LONP2: variants seen among roughly 807,000 people sequenced by gnomAD.
The protein encoded by LONP2 is lon protease homolog 2, peroxisomal.
In LONP2, 60 loss-of-function variants were observed where a neutral mutation model predicts 85.6. The ratio of observed to expected loss-of-function variants is 0.70; its 90% CI spans 0.57 to 0.87. The LOEUF (loss-of-function observed/expected upper bound fraction) is 0.87, where lower values mean the gene tolerates loss of function less well. Ranked by LOEUF, LONP2 falls within the 40% of genes least tolerant of loss-of-function variation. LONP2 has a pLI of 0.00. For synonymous variants in LONP2, 395 were observed against 389.7 expected, an observed-to-expected ratio of 1.01 and a Z score of -0.16; for missense variants, 860 against 1,063.5, an observed-to-expected ratio of 0.81 and a Z score of 2.66.
intron 12 of LONP2, among the ~76,000 whole-genome samples, chr16:48,338,753 C>G (rs1959728874): frequency 6.6e-6 from 1 of 151,890 alleles, no homozygotes; most frequent in Non-Finnish European, 1.5e-5. Context: ...ACAAAAAATA[C>G]AAAAATTAGC....
intron 11 of LONP2, among the ~76,000 whole-genome samples, chr16:48,306,981 A>T (rs1972924259): frequency 6.6e-6 from 1 of 152,224 alleles, no homozygotes; most frequent in Non-Finnish European, 1.5e-5. Context: ...ACTGCCAGGA[A>T]GAAAAGTAAT....
At chr16:48,253,509 T>C (rs1414814900) in intron 2 of LONP2, among the ~76,000 whole-genome samples, 1 of 151,780 alleles carries the variant, frequency 6.6e-6, no homozygotes, top group Non-Finnish European at 1.5e-5. Context: ...GAATCTGTAA[T>C]TTCTATATGG....
intron 12 of LONP2, among the ~76,000 whole-genome samples, chr16:48,341,305 T>C (rs141063412): frequency 0.013 from 1,985 of 147,168 alleles, 45 homozygotes; most frequent in African/African-American, 0.05. Context: ...ATCTCAAAAA[T>C]AAATAAATAA....
intron 1 of LONP2, among the ~76,000 whole-genome samples, chr16:48,245,457 C>T (rs1240820056): frequency 6.6e-6 from 1 of 152,094 alleles, no homozygotes; most frequent in African/African-American, 2.4e-5. Flanking sequence ...GTGTATATTC[C>T]ACTTTGCACC....
chr16:48,296,601 C>T (rs1220175386), intron 9 of LONP2, among the ~76,000 whole-genome samples: 1 of 151,964 alleles, frequency 6.6e-6, no homozygotes, highest in Non-Finnish European at 1.5e-5. Flanking sequence ...GTGGCGGGCG[C>T]CTGTAGTCCC....
rs1481029755 is a variant in LONP2, at chr16:48,351,870, A to C, written c.*68A>C. 27 of 1,257,662 alleles carry C rather than the reference A, an allele frequency of 2.1e-5. No individual in the cohort carries two copies. The highest frequency in any genetic ancestry group is 3.0e-5 in the Non-Finnish European group (26 of 870,710). 77.9% of individuals were successfully genotyped at this position (1,257,662 alleles called of 1,614,324 possible). A position where few individuals can be genotyped will look rare whatever the true frequency, so the allele number is the denominator to read the frequency against. Reference sequence around the variant, plus strand: ...CAAAGGTACTGACACAGTTGATTTTATTCACACCATTAGGGGTATGCAAGA... The same window carrying C: ...CAAAGGTACTGACACAGTTGATTTTCTTCACACCATTAGGGGTATGCAAGA... On this transcript the variant is annotated 3_prime_UTR_variant, in exon 15 of 15. Coordinates refer to ENST00000285737, the MANE Select transcript of LONP2 (RefSeq NM_031490.5).
At chr16:48,258,930 G>C (rs943768519) in intron 4 of LONP2, among the ~76,000 whole-genome samples, 190 bp downstream of exon 4, 1 of 151,622 alleles carries the variant, frequency 6.6e-6, no homozygotes, top group Non-Finnish European at 1.5e-5. Flanking sequence ...CTTTGTTTTG[G>C]TTATCATCCA....
At position 48,256,643 on chromosome 16, in the gene LONP2, G is replaced by C; in HGVS notation, c.502G>C (p.Val168Leu). 6.2e-7 allele frequency: 1 copy of C among 1,613,784 alleles called. No individual in the cohort carries two copies. The highest frequency in any genetic ancestry group is 1.3e-5 in the African/African-American group (1 of 75,026). ...VEMLDMSVPA[V>L]AKLRRLLDSL... ...AATGTTGGATATGTCTGTCCCTGCA[G>C]TTGCTAAATTGAGACGTCTTTTAGA... The change falls in exon 3 of 15, where the codon GTT becomes CTT. Residue 168 changes from valine to leucine, a missense_variant. Around this residue, in one of 3 missense-constraint regions of LONP2, gnomAD observed 743 missense variants for 917.3 expected, o/e 0.81. Coordinates refer to ENST00000285737, the MANE Select transcript of LONP2 (RefSeq NM_031490.5).
At chr16:48,269,700 T>A (rs75310592) in intron 6 of LONP2, among the ~76,000 whole-genome samples, 2,701 of 152,154 alleles carry the variant, frequency 0.018, 60 homozygotes, top group African/African-American at 0.057. Flanking sequence ...CCCTTTTTTT[T>A]AAAAAACAAA....
intron 11 of LONP2, among the ~76,000 whole-genome samples, chr16:48,311,172 C>G (rs902410148): frequency 1.3e-5 from 2 of 152,098 alleles, no homozygotes; most frequent in Non-Finnish European, 2.9e-5. Context: ...GTTTGTTGAG[C>G]GTCTTGTATC....
At position 48,355,185 on chromosome 16, in the gene LONP2, A is replaced by T. The variant is rs1056667576; in HGVS notation, c.*3383A>T. 6.6e-6 allele frequency: 1 copy of T among 152,122 alleles called. No homozygotes were observed. Among genetic ancestry groups the T allele is most frequent in the Non-Finnish European group, 1.5e-5 (1 of 68,038 alleles). 9.4% of individuals were successfully genotyped at this position (152,122 alleles called of 1,614,324 possible). A position where few individuals can be genotyped will look rare whatever the true frequency, so the allele number is the denominator to read the frequency against. On this transcript the variant is annotated 3_prime_UTR_variant, in exon 15 of 15. Coordinates refer to ENST00000285737, the MANE Select transcript of LONP2 (RefSeq NM_031490.5). The stretch of plus-strand genomic sequence containing the variant: ...CAGGAGCAGAACTACTAGATCACAT[A>T]TGCTAAGGTCTGAATGTCCCCCCAC...
rs1455991907 is a variant in LONP2, at chr16:48,303,154, A to G, written c.1662-18A>G. 6 of 1,612,592 alleles carry G rather than the reference A, an allele frequency of 3.7e-6. No individual in the cohort carries two copies. In the South Asian group the frequency reaches 5.5e-5, roughly 15 times the overall value. On this transcript the variant is annotated intron_variant, in intron 10 of 14. Transcript: ENST00000285737. ...AGTGGTATATAGTCAAAAATAAAATATTTTTGTTTGATGACAGGTATACCA... is the reference window on the plus strand; with the variant it reads ...AGTGGTATATAGTCAAAAATAAAATGTTTTTGTTTGATGACAGGTATACCA...
At chr16:48,270,702 G>A (rs568843262) in intron 7 of LONP2, among the ~76,000 whole-genome samples, 14 of 152,136 alleles carry the variant, frequency 9.2e-5, no homozygotes, top group Non-Finnish European at 1.8e-4. Context: ...TCTGATTGCA[G>A]TCTAAACTTC....
intron 12 of LONP2, among the ~76,000 whole-genome samples, chr16:48,337,973 T>C (rs1843618339): frequency 6.6e-6 from 1 of 152,108 alleles, no homozygotes; most frequent in African/African-American, 2.4e-5. Context: ...CAGCTAATTT[T>C]CTCTGTATTT....
chr16:48,314,354 C>A (rs1237025619), intron 11 of LONP2, among the ~76,000 whole-genome samples: 2 of 152,070 alleles, frequency 1.3e-5, no homozygotes, highest in African/African-American at 4.8e-5. Flanking sequence ...TTGCTTTTGT[C>A]ATTTTCTTCA....
rs766170631 is a variant in LONP2 at position 48,303,306 on chromosome 16, G to A, written c.1795+1G>A. The A allele has an allele frequency of 1.2e-6, 2 of 1,611,958 alleles. No individual in the cohort carries two copies. Among genetic ancestry groups the A allele is most frequent in the South Asian group, 2.2e-5 (2 of 91,044 alleles). ...CGTTCTGATGTGACTGAGAGAGAAG[G>A]TTGGTGACCTTGTTCTGGCATTCTC... On this transcript the variant is annotated splice_donor_variant, in intron 11 of 14. Coordinates refer to ENST00000285737, the MANE Select transcript of LONP2 (RefSeq NM_031490.5). LOFTEE classifies it high-confidence loss of function.
rs757345042 is a variant in LONP2 at position 48,362,575 on chromosome 16, A to G, written c.*712A>G. 12 of 781,808 alleles carry G rather than the reference A, an allele frequency of 1.5e-5. No individual in the cohort carries two copies. The highest frequency in any genetic ancestry group is 2.9e-5 in the Admixed American group (1 of 34,100). 48.4% of individuals were successfully genotyped at this position (781,808 alleles called of 1,614,324 possible). A position where few individuals can be genotyped will look rare whatever the true frequency, so the allele number is the denominator to read the frequency against. On this transcript the variant is annotated 3_prime_UTR_variant, in exon 5 of 5. Transcript: ENST00000565867. This position sits in a 1 kb window ranked among gnomAD's most constrained non-coding sequence, Gnocchi z 4.2. Reference sequence around the variant, plus strand: ...AGGAAGAAAAATAGGATTAAAAAAGATATTAAAAAAATAAAATTACACTGA... The same window carrying G: ...AGGAAGAAAAATAGGATTAAAAAAGGTATTAAAAAAATAAAATTACACTGA...
At chr16:48,256,566 A>G in intron 2 of LONP2, 44 bp from the exon 3 acceptor site, 2 of 1,596,330 alleles carry the variant, frequency 1.3e-6, no homozygotes, top group South Asian at 1.1e-5. Flanking sequence ...AAATTCACAA[A>G]TAATGCCAGA....
intron 8 of LONP2, among the ~76,000 whole-genome samples, chr16:48,278,101 G>A (rs1972252691): frequency 6.6e-6 from 1 of 151,814 alleles, no homozygotes; most frequent in Admixed American, 6.6e-5. Flanking sequence ...TTATGTAAAT[G>A]CTTTTCACAG....
Sources: allele counts gnomAD v4.1 joint callset (sites outside exome capture counted in the v4.1 genomes callset), GRCh38; gene constraint gnomAD v4.1.1; regional missense constraint gnomAD v4.1.1; non-coding constraint Gnocchi (gnomAD v3.1); transcripts MANE v1.5; gene names NCBI Gene and HGNC (gene_info 2026-07-23, HGNC 2026-07-21).